The following LRCH4 variants were observed in gnomAD, a reference collection of about 807,000 sequenced individuals.
LRCH4 encodes leucine-rich repeat and calponin homology domain-containing protein 4.
LRCH4 carries 56 observed loss-of-function variants against 81.2 expected under a neutral mutation model. That is an observed-to-expected ratio of 0.69 (90% CI 0.56 to 0.86). The LOEUF is 0.86. Ranked by LOEUF, LRCH4 falls within the 40% of genes least tolerant of loss-of-function variation. The probability of loss-of-function intolerance (pLI) is 0.00; values close to 1 mark genes in which losing one functional copy is unlikely to be tolerated. For missense variants in LRCH4, 895 were observed against 922.8 expected (o/e 0.97, Z 0.39); for synonymous variants, 442 against 409.7 (o/e 1.08, Z -0.95).
chr7:100,576,721 A>G lies in LRCH4; in HGVS notation c.1525T>C (p.Phe509Leu). 1 of 1,597,254 alleles carries G rather than the reference A, an allele frequency of 6.3e-7. No individual in the cohort carries two copies. The highest frequency in any genetic ancestry group is 8.5e-7 in the Non-Finnish European group (1 of 1,171,920). ...GAGCCACTCTGAGAGGAGGAACGGA[A>G]GAGGAAGCTGTTTGGTCTCTGAATG... ...GSIQRPNSFL[F>L]RSSSQSGSGP... is the part of the protein sequence containing the mutation. The change falls in exon 14 of 18, where the codon TTC becomes CTC. Residue 509 changes from phenylalanine (F) to leucine (L), a missense_variant. Coordinates refer to ENST00000310300, the MANE Select transcript of LRCH4 (RefSeq NM_002319.5).
rs777874636 is a variant in LRCH4, at chr7:100,577,064, G to A, written c.1364+22C>T. ...TGGTCATAGGAAGAGGAGTGGGGAG[G>A]GGATGCTGGCAGGAAACCTACTTGT... On this transcript the variant is annotated intron_variant, in intron 12 of 17. Transcript: ENST00000310300. This position sits in a 1 kb window ranked among gnomAD's most constrained non-coding sequence, Gnocchi z 6.7. The A allele has an allele frequency of 1.2e-6, 2 of 1,614,136 alleles. No homozygotes were observed. Among genetic ancestry groups the A allele is most frequent in the Non-Finnish European group, 1.7e-6 (2 of 1,179,992 alleles).
intron 3 of LRCH4, 53 bp from the exon 4 acceptor site, chr7:100,581,935 C>T: frequency 6.2e-7 from 1 of 1,610,418 alleles, no homozygotes; most frequent in Non-Finnish European, 8.5e-7. Context: ...CCAGCAGAAC[C>T]CACCCTCCCA....
chr7:100,581,691 C>G, intron 4 of LRCH4, 86 bp downstream of exon 4: 1 of 1,098,082 alleles, frequency 9.1e-7, no homozygotes, highest in Non-Finnish European at 1.4e-6. Flanking sequence ...ATAAGCTACC[C>G]GGTCTGCAGT....
chr7:100,580,949 T>G (rs1229653465), intron 4 of LRCH4: 2 of 152,318 alleles, frequency 1.3e-5, no homozygotes, highest in African/African-American at 4.8e-5. Flanking sequence ...TGCTGCTGCC[T>G]GCTGAACAAA....
At position 100,575,891 on chromosome 7, in the gene LRCH4, G is replaced by T; in HGVS notation, c.1756C>A (p.His586Asn). ...CTGACCACAGCAGGGGAGGGCACAT[G>T]GATGAAGGGCACGGAGCGCGGCCGT... ...QLRPRSVPFI[H>N]VPSPAVPKLS... The change falls in exon 16 of 18, where the codon CAT (histidine) becomes AAT (asparagine). Residue 586 changes from histidine (H) to asparagine (N), a missense_variant. His to Asn is a moderately conservative substitution (Grantham distance 68). Coordinates refer to ENST00000310300, the MANE Select transcript of LRCH4 (RefSeq NM_002319.5). This position sits in a 1 kb window ranked among gnomAD's most constrained non-coding sequence, Gnocchi z 5.3. The T allele has an allele frequency of 6.2e-7, 1 of 1,613,764 alleles. No individual in the cohort carries two copies. The highest frequency in any genetic ancestry group is 8.5e-7 in the Non-Finnish European group (1 of 1,179,816).
Position 100,582,465 on chromosome 7 carries a change from G to A in LRCH4, c.221-6C>T. On this transcript the variant is annotated splice_polypyrimidine_tract_variant and splice_region_variant and intron_variant, in intron 1 of 17. Transcript: ENST00000310300. This position sits in a 1 kb window ranked among gnomAD's most constrained non-coding sequence, Gnocchi z 5.0. The stretch of plus-strand genomic sequence containing the variant: ...AAACCGGTTCCGGGACAGGTCTGGG[G>A]AAAAGGAGGTGTCGGGGAGAGTTGC... 1 of 1,605,608 alleles carries A rather than the reference G, an allele frequency of 6.2e-7. No individual in the cohort carries two copies. Among genetic ancestry groups the A allele is most frequent in the Non-Finnish European group, 8.5e-7 (1 of 1,179,718 alleles).
rs1801293517 is a variant in LRCH4 at position 100,574,875 on chromosome 7, G to A, written c.*232C>T. The A allele has an allele frequency of 4.3e-6, 2 of 464,152 alleles. No homozygotes were observed. The highest frequency in any genetic ancestry group is 3.8e-6 in the Non-Finnish European group (1 of 260,126). 28.8% of individuals were successfully genotyped at this position (464,152 alleles called of 1,614,324 possible). A position where few individuals can be genotyped will look rare whatever the true frequency, so the allele number is the denominator to read the frequency against. On this transcript the variant is annotated 3_prime_UTR_variant, in exon 18 of 18. Coordinates refer to ENST00000310300, the MANE Select transcript of LRCH4 (RefSeq NM_002319.5). ...GGGGCAGGGCCGGCGGGGACATGAA[G>A]GCACCGTCAGCACTGAGAGGTGGGG...
intron 4 of LRCH4, 159 bp downstream of exon 4, chr7:100,581,618 A>C: frequency 1.6e-6 from 1 of 630,668 alleles, no homozygotes; most frequent in Non-Finnish European, 2.8e-6. Context: ...GAAGCTGACC[A>C]TGGAAGCACC....
intron 1 of LRCH4, among the ~76,000 whole-genome samples, chr7:100,585,500 G>C (rs992182212): frequency 6.6e-6 from 1 of 151,894 alleles, no homozygotes; most frequent in African/African-American, 2.4e-5. Flanking sequence ...GATGAAGAGG[G>C]AGAGAAAGCA....
rs566308859 is a variant in LRCH4, at chr7:100,585,614, G to C, written c.220+267C>G. 5.5e-4 allele frequency among the ~76,000 whole-genome samples: 84 copies of C among 152,228 alleles called. 3 individuals are homozygous for C. The highest frequency in any genetic ancestry group is 5.1e-3 in the Admixed American group (78 of 15,304). On this transcript the variant is annotated intron_variant, in intron 1 of 17. Transcript: ENST00000310300. ...AGGTGAGGGGCGGGACCATCCTACA[G>C]GTGCGCAGATATGCAAATAAAGAGA...
chr7:100,577,693 C>T lies in LRCH4; in HGVS notation c.1087G>A (p.Gly363Arg), dbSNP rs753151554. 6 of 1,613,896 alleles carry T rather than the reference C, an allele frequency of 3.7e-6. No individual in the cohort carries two copies. The highest frequency in any genetic ancestry group is 1.3e-5 in the African/African-American group (1 of 74,914). The change falls in exon 9 of 18, where the codon GGG becomes AGG. Residue 363 changes from glycine to arginine, a missense_variant. Gly to Arg is a moderately radical substitution (Grantham distance 125, BLOSUM62 -2). Transcript: ENST00000310300. The surrounding 1 kb of genome is among the most constrained non-coding windows in gnomAD (Gnocchi z 6.7). ...QIDFIDSHVP[G>R]EDEERGTVEE... ...ACAGTGCCTCGCTCTTCATCCTCCC[C>T]GGGGACATGGCTGTCGATGAAGTCA...
rs1292797411 is a variant in LRCH4 at position 100,574,518 on chromosome 7, G to A, written c.*589C>T. 6.6e-6 allele frequency: 1 copy of A among 152,364 alleles called. No individual in the cohort carries two copies. The highest frequency in any genetic ancestry group is 2.4e-5 in the African/African-American group (1 of 41,400). The allele number at this position is 152,364 out of a possible 1,614,324, so 9.4% of individuals were successfully genotyped here. On this transcript the variant is annotated 3_prime_UTR_variant, in exon 18 of 18. Coordinates refer to ENST00000310300, the MANE Select transcript of LRCH4 (RefSeq NM_002319.5). Reference sequence around the variant, plus strand: ...CGATAACAGAAGGGAGGTGACACGGGGGGTTGGCGGACGCTCCGGGAGCAT... The same window carrying A: ...CGATAACAGAAGGGAGGTGACACGGAGGGTTGGCGGACGCTCCGGGAGCAT...
At position 100,577,003 on chromosome 7, in the gene LRCH4, C is replaced by T; in HGVS notation, c.1367G>A (p.Gly456Asp). The T allele has an allele frequency of 1.2e-6, 2 of 1,612,076 alleles. No homozygotes were observed. The highest frequency in any genetic ancestry group is 1.7e-6 in the Non-Finnish European group (2 of 1,178,526). Residue 456 changes from glycine to aspartate, a missense_variant and splice_region_variant, in exon 13 of 18, where the codon GGC becomes GAC. Coordinates refer to ENST00000310300, the MANE Select transcript of LRCH4 (RefSeq NM_002319.5). This position sits in a 1 kb window ranked among gnomAD's most constrained non-coding sequence, Gnocchi z 6.7. ...AAVSTQAMHN[G>D]SPKSSASQAG... ...TTGGGAGGCACTGGACTTAGGCGAG[C>T]CGCTGAGGAGAGACAGAAGGGAATT...
chr7:100,577,468 AG>A lies in LRCH4; in HGVS notation c.1178+28del, dbSNP rs760334332. ...CGGTTGGGGGGTGGGAGGATCGGGC[AG>A]TGGCGTCAGTTTGGGGGCTTGGGGT... On this transcript the variant is annotated intron_variant, in intron 10 of 17. Coordinates refer to ENST00000310300, the MANE Select transcript of LRCH4 (RefSeq NM_002319.5). This position sits in a 1 kb window ranked among gnomAD's most constrained non-coding sequence, Gnocchi z 6.7. The A allele has an allele frequency of 6.2e-7, 1 of 1,605,128 alleles. No individual in the cohort carries two copies. The highest frequency in any genetic ancestry group is 8.5e-7 in the Non-Finnish European group (1 of 1,179,850).
chr7:100,582,116 C>T lies in LRCH4; in HGVS notation c.417G>A (p.Arg139=). ...GCTTGTTGTTGCTGACGATGAGGAC[C>T]CTCAGGGGCAGCTGGCAGATGTAGG... The part of the protein sequence containing the change: ...LPPYICQLPL[R]VLIVSNNKLG... The change falls in exon 3 of 18, where the codon AGG becomes AGA. Residue 139 remains arginine (R), a synonymous_variant. Transcript: ENST00000310300. This position sits in a 1 kb window ranked among gnomAD's most constrained non-coding sequence, Gnocchi z 5.0. 6.2e-7 allele frequency: 1 copy of T among 1,612,758 alleles called. No homozygotes were observed. The highest frequency in any genetic ancestry group is 8.5e-7 in the Non-Finnish European group (1 of 1,179,862).
chr7:100,578,552 G>A lies in LRCH4; in HGVS notation c.736-41C>T. On this transcript the variant is annotated intron_variant, in intron 5 of 17. Transcript: ENST00000310300. The surrounding 1 kb of genome is among the most constrained non-coding windows in gnomAD (Gnocchi z 5.7). Reference sequence around the variant, plus strand: ...CACACGCCAGGGAGTTGGCAGGGAGGGCAGCTCCCCGGATCCTGCTCAGCT... The same window carrying A: ...CACACGCCAGGGAGTTGGCAGGGAGAGCAGCTCCCCGGATCCTGCTCAGCT... 1.2e-6 allele frequency: 2 copies of A among 1,603,052 alleles called. No homozygotes were observed. Among genetic ancestry groups the A allele is most frequent in the Non-Finnish European group, 8.5e-7 (1 of 1,172,726 alleles).
At position 100,583,428 on chromosome 7, in the gene LRCH4, C is replaced by T. The variant is rs955356403; in HGVS notation, c.221-969G>A. On this transcript the variant is annotated intron_variant, in intron 1 of 17. Transcript: ENST00000310300. This position sits in a 1 kb window ranked among gnomAD's most constrained non-coding sequence, Gnocchi z 4.3. ...GGAGAAGCCTGCCTTTCTGTTTCCT[C>T]GGCCCAGCCTGTCCTGGGAGGGGCC... is the stretch of plus-strand genomic sequence containing the variant. Among the ~76,000 whole-genome samples the T allele has an allele frequency of 6.6e-6, 1 of 152,178 alleles. No individual in the cohort carries two copies. Among genetic ancestry groups the T allele is most frequent in the Admixed American group, 6.5e-5 (1 of 15,286 alleles).
intron 15 of LRCH4, 77 bp from the exon 16 acceptor site, chr7:100,576,085 G>A: frequency 6.6e-7 from 1 of 1,518,514 alleles, no homozygotes; most frequent in Non-Finnish European, 8.9e-7. Flanking sequence ...GGGGGCTCAG[G>A]GCTAGCAGGG....
rs753487135 is a variant in LRCH4 at position 100,578,834 on chromosome 7, G to A, written c.599-48C>T. On this transcript the variant is annotated intron_variant, in intron 4 of 17. Coordinates refer to ENST00000310300, the MANE Select transcript of LRCH4 (RefSeq NM_002319.5). This position sits in a 1 kb window ranked among gnomAD's most constrained non-coding sequence, Gnocchi z 5.7. ...AAGTCAGGAACATGCTCAGGGCTGT[G>A]GCCTCGTGCTCACTCCCTCACCCTT... The A allele has an allele frequency of 1.3e-6, 2 of 1,590,472 alleles. No homozygotes were observed. Among genetic ancestry groups the A allele is most frequent in the Non-Finnish European group, 1.7e-6 (2 of 1,167,248 alleles).
Sources: gnomAD v4.1 joint callset for allele counts (sites outside exome capture counted in the v4.1 genomes callset) on GRCh38, gnomAD v4.1.1 for gene constraint, Gnocchi (gnomAD v3.1) non-coding constraint, MANE v1.5 for transcripts, NCBI Gene and HGNC (gene_info 2026-07-23, HGNC 2026-07-21) for gene names.